Variants in RPS13 observed in about 807,000 individuals in gnomAD.
The protein encoded by RPS13 is ribosomal protein S13, also known as small ribosomal subunit protein uS15.
RPS13 carries 1 observed loss-of-function variant against 24.6 expected under a neutral mutation model. The observed-to-expected ratio is 0.04, with a 90% CI of 0.01 to 0.19. RPS13 has a LOEUF of 0.19. RPS13 is among the 10% of genes least tolerant of loss of function. RPS13 has a pLI of 1.00. For missense variants in RPS13, 88 were observed against 187.4 expected (o/e 0.47, Z 3.10); for synonymous variants, 69 against 65.3 (o/e 1.06, Z -0.27).
chr11:17,075,359 A>AG, intron 4 of RPS13, 95 bp downstream of exon 4: 1 of 1,101,162 alleles, frequency 9.1e-7, no homozygotes, highest in Non-Finnish European at 1.3e-6. Flanking sequence ...TTGTGTACTA[A>AG]GCCTTGGATA....
At chr11:17,076,553 T>TAA in intron 3 of RPS13, 1 of 312,554 alleles carries the variant, frequency 3.2e-6, no homozygotes, top group Non-Finnish European at 5.9e-6. Flanking sequence ...CAAGACTGTC[T>TAA]CAAAAAAAAA....
At chr11:17,074,827 A>C in intron 5 of RPS13, 3 of 653,768 alleles carry the variant, frequency 4.6e-6, no homozygotes, top group Non-Finnish European at 8.4e-6. Context: ...AGAGAGTCAA[A>C]GGGCTTATTC....
intron 5 of RPS13, 45 bp from the exon 6 acceptor site, chr11:17,074,511 T>G (rs1267660794): frequency 7.0e-7 from 1 of 1,437,198 alleles, no homozygotes; most frequent in Admixed American, 1.7e-5. Flanking sequence ...GGATTAATAC[T>G]AGTCCCTCCA....
intron 5 of RPS13, 68 bp from the exon 6 acceptor site, chr11:17,074,534 G>T (rs2137236399): frequency 1.7e-6 from 2 of 1,177,464 alleles, no homozygotes; most frequent in South Asian, 1.3e-5. Flanking sequence ...TTCATTAACA[G>T]AATCTCCCCA....
chr11:17,075,631 G>C lies in RPS13; in HGVS notation c.152-8C>G, dbSNP rs751909327. The C allele has an allele frequency of 6.3e-7, 1 of 1,586,714 alleles. No homozygotes were observed. ...AATCTCTCAGGATTACACCTGAAAA[G>C]GGAATCACGTTTTAACTTTCAACAC... is the stretch of plus-strand genomic sequence containing the variant. On this transcript the variant is annotated splice_polypyrimidine_tract_variant and splice_region_variant and intron_variant, in intron 3 of 5. Coordinates refer to ENST00000525634, the MANE Select transcript of RPS13 (RefSeq NM_001017.3).
intron 3 of RPS13, chr11:17,076,591 A>T: frequency 2.5e-6 from 1 of 404,962 alleles, no homozygotes; most frequent in Non-Finnish European, 4.8e-6. Flanking sequence ...TCTCTCTGTC[A>T]CCCAGGAGTG....
Position 17,077,262 on chromosome 11 carries a change from A to G in RPS13, c.73-16T>C. On this transcript the variant is annotated splice_polypyrimidine_tract_variant and intron_variant, in intron 2 of 5. Transcript: ENST00000525634. The stretch of plus-strand genomic sequence containing the variant: ...ACTTCAACCACTGTTATGGAATAGA[A>G]AGCAGCCTTAGGATGAGAACCCAGG... The G allele has an allele frequency of 6.2e-7, 1 of 1,612,000 alleles. No individual in the cohort carries two copies. Among genetic ancestry groups the G allele is most frequent in the Non-Finnish European group, 8.5e-7 (1 of 1,178,110 alleles).
chr11:17,075,323 G>C, intron 4 of RPS13, 126 bp from the exon 5 acceptor site: 4 of 987,080 alleles, frequency 4.1e-6, no homozygotes, highest in Non-Finnish European at 6.0e-6. Context: ...GATAGAATTT[G>C]AACTTCAAAG....
chr11:17,074,716 G>T (rs563219126), intron 5 of RPS13: 1 of 687,122 alleles, frequency 1.5e-6, no homozygotes, highest in East Asian at 2.8e-5. Flanking sequence ...TGGAAACTGC[G>T]AATGTCTGGC....
chr11:17,076,782 T>C (rs1331407295), intron 3 of RPS13: 2 of 320,328 alleles, frequency 6.2e-6, no homozygotes, highest in Admixed American at 8.8e-5. Context: ...AAGGTAAACA[T>C]TTGCTGAATG....
chr11:17,074,722 C>T (rs1376819428), intron 5 of RPS13: 9 of 684,598 alleles, frequency 1.3e-5, no homozygotes, highest in Middle Eastern at 2.3e-4. Flanking sequence ...CTGCGAATGT[C>T]TGGCAACCAA....
Position 17,076,345 on chromosome 11 carries a change from A to G in RPS13, c.152-722T>C, listed in dbSNP as rs868360714. ...GCGGAGGTTGCAGTGAGCCGAGATC[A>G]TACCACTGCACTCCAGCCTGGGTGA... On this transcript the variant is annotated intron_variant, in intron 3 of 5. Coordinates refer to ENST00000525634, the MANE Select transcript of RPS13 (RefSeq NM_001017.3). 7.4e-5 allele frequency: 20 copies of G among 269,596 alleles called. 1 individual carries two copies. In the Middle Eastern group the frequency reaches 4.4e-3, roughly 60 times the overall value. The allele number at this position is 269,596 out of a possible 1,614,324, so 16.7% of individuals were successfully genotyped here.
chr11:17,077,470 G>A lies in RPS13; in HGVS notation c.31C>T (p.Leu11=), dbSNP rs1304153289. 5 of 1,613,892 alleles carry A rather than the reference G, an allele frequency of 3.1e-6. No homozygotes were observed. The highest frequency in any genetic ancestry group is 3.4e-6 in the Non-Finnish European group (4 of 1,179,984). The part of the protein sequence containing the change: MGRMHAPGKG[L]SQSALPYRRS... Reference sequence around the variant, plus strand: ...CGATAGGGTAAAGCCGACTGGGACAGGCCCTTCCTGGGGAGAGAAGCAGTC... The same window carrying A: ...CGATAGGGTAAAGCCGACTGGGACAAGCCCTTCCTGGGGAGAGAAGCAGTC... Residue 11 remains leucine, a synonymous_variant, in exon 2 of 6, where the codon CTG becomes TTG. Transcript: ENST00000525634.
At chr11:17,074,992 A>G (rs1848004818) in intron 5 of RPS13, 105 bp downstream of exon 5, 2 of 779,658 alleles carry the variant, frequency 2.6e-6, no homozygotes, top group South Asian at 1.7e-5. Context: ...CCAAGGCTGA[A>G]CATATTTACT....
At chr11:17,075,075 C>T (rs370716366) in intron 5 of RPS13, 22 bp downstream of exon 5, 89 of 1,515,882 alleles carry the variant, frequency 5.9e-5, no homozygotes, top group Non-Finnish European at 7.3e-5. Context: ...TTGATAACAA[C>T]GACAAAAGAG....
chr11:17,076,862 C>A, intron 3 of RPS13: 1 of 475,422 alleles, frequency 2.1e-6, no homozygotes, highest in Non-Finnish European at 3.8e-6. Flanking sequence ...CTGTGTCAGG[C>A]ACTCTGCTTA....
chr11:17,075,216 G>A lies in RPS13; in HGVS notation c.322-19C>T, dbSNP rs368284012. On this transcript the variant is annotated intron_variant, in intron 4 of 5. Coordinates refer to ENST00000525634, the MANE Select transcript of RPS13 (RefSeq NM_001017.3). The stretch of plus-strand genomic sequence containing the variant: ...CCTTATCCTAAAAATAAAATTTGGT[G>A]CAATTCAAGAAAACCACCCAAAATG... 39 of 1,561,694 alleles carry A rather than the reference G, an allele frequency of 2.5e-5. No individual in the cohort carries two copies. The African/African-American group carries it at 4.3e-4, about 17-fold the overall frequency.
chr11:17,076,115 G>A (rs1590880573), intron 3 of RPS13: 1 of 261,888 alleles, frequency 3.8e-6, no homozygotes, highest in East Asian at 1.1e-4. Flanking sequence ...GGATCAGGTG[G>A]TGTGGCTCAC....
chr11:17,075,747 C>A, intron 3 of RPS13, 124 bp from the exon 4 acceptor site: 1 of 768,872 alleles, frequency 1.3e-6, no homozygotes, highest in Non-Finnish European at 2.2e-6. Flanking sequence ...TTTTATACAT[C>A]ACAGAAACCA....
Sources: gnomAD v4.1 joint callset for allele counts on GRCh38, gnomAD v4.1.1 for gene constraint, MANE v1.5 for transcripts, NCBI Gene and HGNC (gene_info 2026-07-23, HGNC 2026-07-21) for gene names.